MYL4: variants seen among roughly 807,000 people sequenced by gnomAD.
MYL4 encodes the protein atrial myosin light chain 1.
A neutral mutation model predicts 21.6 loss-of-function variants in MYL4; 16 were observed. That is an observed-to-expected ratio of 0.74 (90% CI 0.50 to 1.12). The LOEUF is 1.12. MYL4 is among the 50% of genes most tolerant of loss of function. The pLI is 0.00. For synonymous variants in MYL4, 82 were observed against 95.7 expected (o/e 0.86, Z 0.83); for missense variants, 249 against 252.9 (o/e 0.98, Z 0.11).
chr17:47,215,502 G>C (rs979043030), intron 2 of MYL4, among the ~76,000 whole-genome samples: 3 of 152,042 alleles, frequency 2.0e-5, no homozygotes, highest in African/African-American at 7.2e-5. Flanking sequence ...AGATTATAAT[G>C]GTTTTCTCAT....
At chr17:47,200,421 C>T (rs1045940961), upstream of MYL4, 1 of 152,158 alleles carries the variant, frequency 6.6e-6, no homozygotes, top group African/African-American at 2.4e-5. Context: ...TCAGAGAACC[C>T]TTTTGTCAGT....
intron 3 of MYL4, among the ~76,000 whole-genome samples, chr17:47,220,686 A>C (rs1189286422): frequency 6.6e-6 from 1 of 152,216 alleles, no homozygotes; most frequent in Non-Finnish European, 1.5e-5. Flanking sequence ...GTTCATACTC[A>C]TGTGAGCTGT....
intron 2 of MYL4, among the ~76,000 whole-genome samples, chr17:47,214,254 GATCT>G (rs1287669102): frequency 6.6e-6 from 1 of 152,112 alleles, no homozygotes; most frequent in Non-Finnish European, 1.5e-5. Flanking sequence ...TGGCCCCAAA[GATCT>G]ATCTAAGATA....
upstream of MYL4, among the ~76,000 whole-genome samples, chr17:47,196,963 G>T (rs373213934): frequency 1.8e-4 from 28 of 151,498 alleles, no homozygotes; most frequent in East Asian, 5.4e-3. Context: ...AAATATTTTT[G>T]AAATATCTGA....
chr17:47,219,782 G>T, intron 2 of MYL4, 122 bp from the exon 3 acceptor site: 1 of 1,256,494 alleles, frequency 8.0e-7, no homozygotes, highest in Non-Finnish European at 1.1e-6. Context: ...TGGACAAAGC[G>T]AAATATTGGG....
upstream of MYL4, among the ~76,000 whole-genome samples, chr17:47,206,938 T>C (rs1324498004): frequency 2.6e-5 from 4 of 152,128 alleles, no homozygotes; most frequent in African/African-American, 9.7e-5. Flanking sequence ...TTCCACTTTT[T>C]CTCTTTCCTC....
At chr17:47,208,627 C>T (rs2064747729), upstream of MYL4, among the ~76,000 whole-genome samples, 1 of 151,798 alleles carries the variant, frequency 6.6e-6, no homozygotes, top group South Asian at 2.1e-4. Flanking sequence ...GAAAACTAAA[C>T]CCCAAGTTTT....
intron 1 of MYL4, among the ~76,000 whole-genome samples, chr17:47,202,055 G>A (rs1420914575): frequency 6.6e-6 from 1 of 151,906 alleles, no homozygotes; most frequent in African/African-American, 2.4e-5. Flanking sequence ...GCTCGATCTC[G>A]GCTCACTGCA....
chr17:47,219,005 G>C (rs977406720), intron 2 of MYL4, among the ~76,000 whole-genome samples: 9 of 152,180 alleles, frequency 5.9e-5, no homozygotes, highest in Non-Finnish European at 1.3e-4. Flanking sequence ...GCTGAACATT[G>C]CTTGGCGTGC....
upstream of MYL4, among the ~76,000 whole-genome samples, chr17:47,204,470 A>T (rs181546408): frequency 6.6e-6 from 1 of 152,296 alleles, no homozygotes; most frequent in Admixed American, 6.5e-5. Flanking sequence ...TGTGCTAGAC[A>T]CTTTATTCTA....
At chr17:47,219,011 C>T (rs1030864629) in intron 2 of MYL4, among the ~76,000 whole-genome samples, 5 of 152,160 alleles carry the variant, frequency 3.3e-5, no homozygotes, top group Non-Finnish European at 7.3e-5. Flanking sequence ...CATTGCTTGG[C>T]GTGCTTTGTG....
chr17:47,213,698 C>T, intron 1 of MYL4, 101 bp from the exon 2 acceptor site: 2 of 1,174,294 alleles, frequency 1.7e-6, no homozygotes, highest in South Asian at 2.4e-5. Context: ...TGGAGGTGGC[C>T]ATACTGCATT....
intron 6 of MYL4, chr17:47,223,274 T>G: frequency 1.8e-6 from 1 of 553,230 alleles, no homozygotes. Flanking sequence ...CACATCCTCT[T>G]GCCTCTCCCA....
chr17:47,208,989 G>A (rs368920858), upstream of MYL4: 4 of 223,228 alleles, frequency 1.8e-5, no homozygotes, highest in Admixed American at 5.2e-5. Context: ...GCCTCTGCTC[G>A]GGAGGGGCTA....
chr17:47,191,465 T>C, the MYL4 span, among the ~76,000 whole-genome samples: 1 of 152,312 alleles, frequency 6.6e-6, no homozygotes, highest in Non-Finnish European at 1.5e-5. Context: ...TGGACTACAG[T>C]TGTATTTACA....
chr17:47,212,833 G>A lies in MYL4; in HGVS notation c.136-966G>A, dbSNP rs562815829. ...AAATCAGATGAACAACTTAGTTTCA[G>A]CTTGGTGACATGGAACTTCAGCATG... On this transcript the variant is annotated intron_variant, in intron 1 of 6. Coordinates refer to ENST00000393450, the MANE Select transcript of MYL4 (RefSeq NM_002476.2). Among the ~76,000 whole-genome samples, 4 of 152,268 alleles carry A rather than the reference G, an allele frequency of 2.6e-5. No individual in the cohort carries two copies. In the South Asian group the frequency reaches 6.2e-4, roughly 24 times the overall value.
At chr17:47,204,576 T>C (rs894652107), upstream of MYL4, among the ~76,000 whole-genome samples, 1 of 151,984 alleles carries the variant, frequency 6.6e-6, no homozygotes, top group Non-Finnish European at 1.5e-5. Flanking sequence ...CATGAAGAAG[T>C]TAAAAAGTAG....
At chr17:47,189,434 T>C in the MYL4 span, 1 of 562,128 alleles carries the variant, frequency 1.8e-6, no homozygotes, top group South Asian at 2.1e-5. Flanking sequence ...CCGGAAATTG[T>C]CGAAGATTAC....
upstream of MYL4, among the ~76,000 whole-genome samples, chr17:47,196,705 C>T (rs567033912): frequency 7.9e-5 from 12 of 152,242 alleles, no homozygotes; most frequent in Non-Finnish European, 1.6e-4. Context: ...ATTCTTAGCT[C>T]CAGCCTGTTA....
Sources: allele counts gnomAD v4.1 joint callset (sites outside exome capture counted in the v4.1 genomes callset), GRCh38; gene constraint gnomAD v4.1.1; transcripts MANE v1.5; gene names NCBI Gene and HGNC (gene_info 2026-07-23, HGNC 2026-07-21).